The following STARD13 variants were observed in gnomAD, a reference collection of about 807,000 sequenced individuals.
STARD13 encodes stAR-related lipid transfer protein 13.
A neutral mutation model predicts 106.4 loss-of-function variants in STARD13; 62 were observed. The observed-to-expected ratio is 0.58, with a 90% confidence interval of 0.48 to 0.72. The LOEUF is 0.72. STARD13 is among the 30% of genes least tolerant of loss of function. STARD13 has a pLI of 0.00. For missense variants in STARD13, 1,387 were observed against 1,424.0 expected, an observed-to-expected ratio of 0.97 and a Z score of 0.42; for synonymous variants, 565 against 553.0, an observed-to-expected ratio of 1.02 and a Z score of -0.31.
chr13:33,453,819 C>T, the STARD13 span, among the ~76,000 whole-genome samples: 16 of 152,172 alleles, frequency 1.1e-4, no homozygotes, highest in Admixed American at 4.6e-4. Context: ...GCTAATTCAG[C>T]ATTTGAAAAG....
the STARD13 span, among the ~76,000 whole-genome samples, chr13:33,619,445 GCTT>G: frequency 6.6e-6 from 1 of 152,150 alleles, no homozygotes; most frequent in East Asian, 1.9e-4. Flanking sequence ...GTTTGTCCTA[GCTT>G]CTTAAGTAAA....
Position 33,207,908 on chromosome 13 carries a change from C to T in STARD13, c.170-40286G>A, listed in dbSNP as rs188520619. On this transcript the variant is annotated intron_variant, in intron 1 of 13. Coordinates refer to ENST00000336934, the MANE Select transcript of STARD13 (RefSeq NM_178006.4). ...CAGATTATAGGGGCTGCTCCTGCTC[C>T]TACCCTGCCTGGCACCTCACTGCCA... Among the ~76,000 whole-genome samples the T allele has an allele frequency of 3.0e-3, 457 of 152,316 alleles. 1 individual carries two copies. The highest frequency in any genetic ancestry group is 9.9e-3 in the African/African-American group (413 of 41,570).
the STARD13 span, among the ~76,000 whole-genome samples, chr13:33,589,073 A>C: frequency 6.6e-6 from 1 of 152,182 alleles, no homozygotes; most frequent in East Asian, 1.9e-4. Flanking sequence ...TTTACACATT[A>C]GTATCATCAT....
chr13:33,517,516 A>G, the STARD13 span, among the ~76,000 whole-genome samples: 6 of 152,160 alleles, frequency 3.9e-5, no homozygotes, highest in Non-Finnish European at 7.4e-5. Flanking sequence ...TGAAGGCAGA[A>G]TTGACTTTCT....
At chr13:33,578,869 A>G in the STARD13 span, among the ~76,000 whole-genome samples, 1 of 152,168 alleles carries the variant, frequency 6.6e-6, no homozygotes, top group Non-Finnish European at 1.5e-5. Flanking sequence ...AAAAGAAGAT[A>G]TATAAATAGC....
chr13:33,648,439 G>C, the STARD13 span, among the ~76,000 whole-genome samples: 1 of 152,164 alleles, frequency 6.6e-6, no homozygotes, highest in Non-Finnish European at 1.5e-5. Context: ...ATGCAGACTA[G>C]GTAAGTTACT....
At chr13:33,600,021 C>T in the STARD13 span, among the ~76,000 whole-genome samples, 1 of 152,208 alleles carries the variant, frequency 6.6e-6, no homozygotes, top group Non-Finnish European at 1.5e-5. Context: ...CAAACTTGCT[C>T]TCACCCACAG....
At chr13:33,632,142 A>G in the STARD13 span, among the ~76,000 whole-genome samples, 3 of 152,334 alleles carry the variant, frequency 2.0e-5, no homozygotes, top group South Asian at 4.1e-4. Flanking sequence ...ACATATAATC[A>G]ACACACTGTA....
chr13:33,165,458 A>G, intron 2 of STARD13, 40 bp from the exon 3 acceptor site: 1 of 1,480,264 alleles, frequency 6.8e-7, no homozygotes, highest in Non-Finnish European at 9.4e-7. Context: ...ACTTTGTTTT[A>G]TCTGAATGAG....
At chr13:33,353,767 C>T (rs1047125526), upstream of STARD13, among the ~76,000 whole-genome samples, 4 of 152,196 alleles carry the variant, frequency 2.6e-5, no homozygotes, top group African/African-American at 9.7e-5. Context: ...ACCAAAATAG[C>T]TCCTTCTCAC....
In STARD13 at chr13:33,129,648, C is replaced by T. The variant is rs143999176; in HGVS notation, c.1029G>A (p.Val343=). The change falls in exon 5 of 14, where the codon GTG becomes GTA. Residue 343 remains valine (V), a synonymous_variant. Coordinates refer to ENST00000336934, the MANE Select transcript of STARD13 (RefSeq NM_178006.4). ...SSPSEHSSSG[V]STPCLKERKC... ...TGCGTTCCTTCAGGCAGGGCGTGCT[C>T]ACCCCGCTGCTGCTGTGCTCCGACG... 2.2e-4 allele frequency: 348 copies of T among 1,613,976 alleles called. No individual in the cohort carries two copies. The highest frequency in any genetic ancestry group is 2.1e-4 in the Non-Finnish European group (245 of 1,180,028).
the STARD13 span, among the ~76,000 whole-genome samples, chr13:33,552,419 T>TA: frequency 6.6e-6 from 1 of 152,148 alleles, no homozygotes; most frequent in Non-Finnish European, 1.5e-5. Context: ...TTAAAAGGAA[T>TA]AAAATCACAT....
chr13:33,112,229 T>C (rs1304194572), intron 9 of STARD13, among the ~76,000 whole-genome samples: 1 of 152,234 alleles, frequency 6.6e-6, no homozygotes, highest in Non-Finnish European at 1.5e-5. Context: ...CTACTTTGTG[T>C]ATGTTTTCCT....
chr13:33,131,079 G>C (rs1204245835), intron 4 of STARD13, among the ~76,000 whole-genome samples: 1 of 152,194 alleles, frequency 6.6e-6, no homozygotes, highest in Non-Finnish European at 1.5e-5. Context: ...GTTTCTGCCT[G>C]AATTTGCAGC....
chr13:33,453,519 C>G, the STARD13 span, among the ~76,000 whole-genome samples: 1 of 152,116 alleles, frequency 6.6e-6, no homozygotes, highest in South Asian at 2.1e-4. Flanking sequence ...TCTTTTTTAG[C>G]ATCCTTTTTC....
At chr13:33,119,958 G>C (rs1456498403) in intron 7 of STARD13, among the ~76,000 whole-genome samples, 2 of 152,216 alleles carry the variant, frequency 1.3e-5, no homozygotes, top group African/African-American at 4.8e-5. Flanking sequence ...AAGATGTCAG[G>C]TGAGTGATTA....
chr13:33,392,545 A>G, the STARD13 span, among the ~76,000 whole-genome samples: 1 of 152,080 alleles, frequency 6.6e-6, no homozygotes, highest in African/African-American at 2.4e-5. Flanking sequence ...GACTACAGGC[A>G]TGTGCCACCA....
At chr13:33,286,461 G>A (rs1892064324), upstream of STARD13, among the ~76,000 whole-genome samples, 2 of 152,124 alleles carry the variant, frequency 1.3e-5, no homozygotes, top group African/African-American at 4.8e-5. Flanking sequence ...ATACTTAGAA[G>A]GTGCCTATCA....
chr13:33,200,538 C>T (rs1297556444), intron 1 of STARD13, among the ~76,000 whole-genome samples: 2 of 152,250 alleles, frequency 1.3e-5, no homozygotes, highest in Admixed American at 6.5e-5. Flanking sequence ...CCTGCTGCCA[C>T]CGACATTGCA....
Sources: allele counts gnomAD v4.1 joint callset (sites outside exome capture counted in the v4.1 genomes callset), GRCh38; gene constraint gnomAD v4.1.1; transcripts MANE v1.5; gene names NCBI Gene and HGNC (gene_info 2026-07-23, HGNC 2026-07-21).